Variants in RBFOX1 observed in about 807,000 individuals in gnomAD.
The protein encoded by RBFOX1 is RNA binding fox-1 homolog 1.
A neutral mutation model predicts 57.7 loss-of-function variants in RBFOX1; 8 were observed. The ratio of observed to expected loss-of-function variants is 0.14; its 90% CI spans 0.08 to 0.25. RBFOX1 has a LOEUF of 0.25. Among genes scored for constraint, RBFOX1 ranks in the 10% least tolerant of loss-of-function variants. The pLI, the probability that RBFOX1 is intolerant of heterozygous loss-of-function variation, is 1.00. For synonymous variants in RBFOX1, 326 were observed against 222.4 expected, an observed-to-expected ratio of 1.47 and a Z score of -4.15; for missense variants, 611 against 548.5, an observed-to-expected ratio of 1.11 and a Z score of -1.14.
chr16:6,213,277 C>G (rs999367303), intron 1 of RBFOX1, among the ~76,000 whole-genome samples: 2 of 152,082 alleles, frequency 1.3e-5, no homozygotes, highest in Non-Finnish European at 2.9e-5. Context: ...GTGGCTTTGT[C>G]ATAGGCTGTC....
chr16:5,978,809 G>A (rs1161898628), intron 4 of RBFOX1, among the ~76,000 whole-genome samples: 1 of 151,916 alleles, frequency 6.6e-6, no homozygotes, highest in Admixed American at 6.6e-5. Flanking sequence ...GGAGTTGTGG[G>A]GAACAACACT....
intron 2 of RBFOX1, chr16:6,577,021 A>G (rs1045259934): frequency 1.3e-5 from 2 of 152,222 alleles, no homozygotes; most frequent in African/African-American, 4.8e-5. Context: ...ATGTGGGAAG[A>G]AGTGGCTCTT....
chr16:6,422,751 T>A (rs802312), intron 2 of RBFOX1, among the ~76,000 whole-genome samples: 1,969 of 152,162 alleles, frequency 0.013, 55 homozygotes, highest in African/African-American at 0.045. Flanking sequence ...AAGGGGATGG[T>A]GCCAAATCAT....
intron 1 of RBFOX1, among the ~76,000 whole-genome samples, chr16:5,382,448 G>T (rs2066154550): frequency 1.4e-5 from 2 of 147,932 alleles, no homozygotes; most frequent in East Asian, 2.0e-4. Flanking sequence ...GCTTTTATTT[G>T]CCTTCTGGTA....
intron 1 of RBFOX1, among the ~76,000 whole-genome samples, chr16:6,033,979 G>A (rs928214139): frequency 6.6e-6 from 1 of 152,124 alleles, no homozygotes; most frequent in African/African-American, 2.4e-5. Flanking sequence ...GTCCCTATTG[G>A]AAGTGTCTTA....
intron 1 of RBFOX1, among the ~76,000 whole-genome samples, chr16:5,311,506 C>G (rs2064088622): frequency 6.6e-6 from 1 of 152,280 alleles, no homozygotes; most frequent in African/African-American, 2.4e-5. Context: ...TAGTAATTTA[C>G]TTTCCCACCA....
chr16:6,641,915 G>T (rs1471031810), intron 2 of RBFOX1, among the ~76,000 whole-genome samples: 1 of 152,038 alleles, frequency 6.6e-6, no homozygotes. Context: ...CCCAGTTAGG[G>T]CTTCTTCCAG....
At chr16:6,236,091 T>C (rs1397070335) in intron 1 of RBFOX1, among the ~76,000 whole-genome samples, 1 of 152,224 alleles carries the variant, frequency 6.6e-6, no homozygotes, top group Non-Finnish European at 1.5e-5. Flanking sequence ...GACTAGAGTT[T>C]CTCATAGGCA....
At chr16:5,311,283 TTTC>T (rs2064082259) in intron 1 of RBFOX1, among the ~76,000 whole-genome samples, 1 of 152,142 alleles carries the variant, frequency 6.6e-6, no homozygotes, top group African/African-American at 2.4e-5. Context: ...AATATCACAT[TTTC>T]TTTTTTCACT....
At chr16:7,290,073 C>CAGAG (rs2095737081) in intron 4 of RBFOX1, among the ~76,000 whole-genome samples, 1 of 152,148 alleles carries the variant, frequency 6.6e-6, no homozygotes, top group Non-Finnish European at 1.5e-5. Flanking sequence ...CACTGTTTCT[C>CAGAG]AGATACCTAC....
rs550126933 is a variant in RBFOX1 at position 5,814,168 on chromosome 16, C to T, written c.319-53135C>T. ...CTGCAGAGAAGGTGTCTCTTGAGGC[C>T]CGCCTGTGCTGCCCACATCCCTTGG... On this transcript the variant is annotated intron_variant, in intron 3 of 19. Transcript: ENST00000641259. Among the ~76,000 whole-genome samples the T allele has an allele frequency of 1.2e-4, 18 of 152,228 alleles. 1 individual carries two copies. In the East Asian group the frequency reaches 3.5e-3, roughly 29 times the overall value.
intron 4 of RBFOX1, among the ~76,000 whole-genome samples, chr16:7,127,147 G>T (rs1447960653): frequency 1.3e-5 from 2 of 152,198 alleles, no homozygotes; most frequent in African/African-American, 4.8e-5. Flanking sequence ...TTCTACCCCT[G>T]ACTGTGATTA....
intron 4 of RBFOX1, among the ~76,000 whole-genome samples, chr16:5,944,882 C>G (rs1055673375): frequency 1.4e-5 from 2 of 139,050 alleles, no homozygotes; most frequent in African/African-American, 5.4e-5. Context: ...AGGAGAATCA[C>G]TTGAACCCAG....
intron 2 of RBFOX1, among the ~76,000 whole-genome samples, chr16:6,411,042 C>T (rs1356454341): frequency 1.3e-5 from 2 of 152,156 alleles, no homozygotes; most frequent in East Asian, 3.8e-4. Context: ...AACCATGGCT[C>T]CCGCTGCTCA....
intron 3 of RBFOX1, among the ~76,000 whole-genome samples, chr16:6,914,252 C>G (rs1469491313): frequency 1.3e-5 from 2 of 152,114 alleles, no homozygotes; most frequent in African/African-American, 4.8e-5. Context: ...CTGTGTATTG[C>G]AGTACGAAAG....
rs545957459 is a variant in RBFOX1 at position 6,049,676 on chromosome 16, G to A, written c.-127+29684G>A. Among the ~76,000 whole-genome samples the A allele has an allele frequency of 2.0e-5, 3 of 152,082 alleles. No individual in the cohort carries two copies. The South Asian group carries it at 6.2e-4, about 32-fold the overall frequency. On this transcript the variant is annotated intron_variant, in intron 1 of 15. Transcript: ENST00000550418. ...TTCCAATTTTTTCAAAAATGTCATT[G>A]TTTTCTTATTTCCAATTCTAAAAAT...
chr16:7,567,423 A>C (rs1229154276), intron 5 of RBFOX1, among the ~76,000 whole-genome samples: 1 of 136,934 alleles, frequency 7.3e-6, no homozygotes, highest in Non-Finnish European at 1.5e-5. Flanking sequence ...ATATATCCCT[A>C]TGTATGGCCC....
chr16:5,420,487 A>C (rs536802184), intron 1 of RBFOX1, among the ~76,000 whole-genome samples: 2 of 152,044 alleles, frequency 1.3e-5, no homozygotes, highest in African/African-American at 4.8e-5. Context: ...CACAGACTGC[A>C]TCCACTTTGT....
chr16:7,283,460 G>C (rs2141248151), intron 4 of RBFOX1, among the ~76,000 whole-genome samples: 1 of 152,058 alleles, frequency 6.6e-6, no homozygotes, highest in African/African-American at 2.4e-5. Flanking sequence ...CTTCCGTGGT[G>C]GAAAGGAGTA....
Sources: gnomAD v4.1 joint callset for allele counts (sites outside exome capture counted in the v4.1 genomes callset) on GRCh38, gnomAD v4.1.1 for gene constraint, MANE v1.5 for transcripts, NCBI Gene and HGNC (gene_info 2026-07-23, HGNC 2026-07-21) for gene names.